The following PTPN22 variants were observed in gnomAD, a reference collection of about 807,000 sequenced individuals.
The protein encoded by PTPN22 is protein tyrosine phosphatase non-receptor type 22.
Under a neutral mutation model 103.3 loss-of-function variants are expected in PTPN22, and 85 were observed. The ratio of observed to expected loss-of-function variants is 0.82; its 90% CI spans 0.69 to 0.99. PTPN22 has a LOEUF of 0.99. Among genes scored for constraint, PTPN22 ranks in the 50% least tolerant of loss-of-function variants. The pLI is 0.00. For synonymous variants in PTPN22, 323 were observed against 310.2 expected (o/e 1.04, Z -0.43); for missense variants, 865 against 936.9 (o/e 0.92, Z 1.00).
chr1:113,857,845 C>T, intron 4 of PTPN22, 69 bp from the exon 5 acceptor site: 6 of 1,382,570 alleles, frequency 4.3e-6, no homozygotes, highest in Non-Finnish European at 6.0e-6. Context: ...ATACATGGAT[C>T]CCAGACTCAG....
At chr1:113,861,787 C>T (rs1016928656) in intron 1 of PTPN22, among the ~76,000 whole-genome samples, 1 of 151,908 alleles carries the variant, frequency 6.6e-6, no homozygotes, top group African/African-American at 2.4e-5. Flanking sequence ...ATAAACTACA[C>T]CAGAAAAGGA....
chr1:113,824,705 G>A (rs991320410), intron 19 of PTPN22, among the ~76,000 whole-genome samples: 9 of 151,992 alleles, frequency 5.9e-5, no homozygotes, highest in African/African-American at 1.9e-4. Context: ...TGGGTAGAAA[G>A]TACCAAACAT....
intron 1 of PTPN22, among the ~76,000 whole-genome samples, chr1:113,871,170 C>A (rs968811925): frequency 6.6e-6 from 1 of 152,158 alleles, no homozygotes; most frequent in African/African-American, 2.4e-5. Flanking sequence ...TAACATTGGT[C>A]TCTTTCTTCT....
At chr1:113,855,102 C>A in intron 7 of PTPN22, 53 bp from the exon 8 acceptor site, 2 of 1,490,778 alleles carry the variant, frequency 1.3e-6, no homozygotes, top group Non-Finnish European at 1.9e-6. Flanking sequence ...TGAAAAACCA[C>A]CTATTGGGTA....
intron 19 of PTPN22, among the ~76,000 whole-genome samples, chr1:113,824,157 A>G (rs947903722): frequency 6.7e-6 from 1 of 150,298 alleles, no homozygotes; most frequent in Non-Finnish European, 1.5e-5. Flanking sequence ...ACTGGAGTGC[A>G]GTGGCGCAAT....
chr1:113,815,638 G>C lies in PTPN22; in HGVS notation c.2360-669C>G, dbSNP rs776591117. 9.9e-5 allele frequency among the ~76,000 whole-genome samples: 15 copies of C among 152,238 alleles called. No homozygotes were observed. In the South Asian group the frequency reaches 2.7e-3, roughly 27 times the overall value. ...TGGTTCTTTATCATTTCAGCAACAT[G>C]TGACTTTATGACTTTTCTTTTTGAT... On this transcript the variant is annotated intron_variant, in intron 20 of 20. Coordinates refer to ENST00000359785, the Ensembl canonical transcript of PTPN22.
intron 13 of PTPN22, among the ~76,000 whole-genome samples, 180 bp from the exon 14 acceptor site, chr1:113,835,173 G>C (rs1322025408): frequency 6.6e-6 from 1 of 152,072 alleles, no homozygotes; most frequent in Non-Finnish European, 1.5e-5. Context: ...ATTCTCTTAA[G>C]GTACAAACCC....
chr1:113,850,661 G>A (rs1664499369), intron 10 of PTPN22, among the ~76,000 whole-genome samples: 1 of 152,138 alleles, frequency 6.6e-6, no homozygotes, highest in Non-Finnish European at 1.5e-5. Context: ...CAGCACACAT[G>A]AAAGTTATTT....
rs562891970 is a variant in PTPN22, at chr1:113,842,546, T to A, written c.916-3926A>T. Among the ~76,000 whole-genome samples the A allele has an allele frequency of 7.9e-5, 12 of 152,106 alleles. No homozygotes were observed. In the South Asian group the frequency reaches 1.9e-3, roughly 24 times the overall value. ...AAAATTATCTGGGCGTGGTGGCATG[T>A]GCCTGTAATCCCAGCTACTTGGGAG... is the stretch of plus-strand genomic sequence containing the variant. On this transcript the variant is annotated intron_variant, in intron 11 of 20. Coordinates refer to ENST00000359785, the Ensembl canonical transcript of PTPN22.
intron 1 of PTPN22, among the ~76,000 whole-genome samples, chr1:113,870,423 AAAAT>A (rs1666481183): frequency 6.6e-6 from 1 of 152,184 alleles, no homozygotes; most frequent in Non-Finnish European, 1.5e-5. Flanking sequence ...TAAGCATTCT[AAAAT>A]ACATGATAGG....
intron 1 of PTPN22, among the ~76,000 whole-genome samples, chr1:113,868,876 G>A (rs963427314): frequency 2.4e-4 from 37 of 151,248 alleles, no homozygotes; most frequent in African/African-American, 8.9e-4. Flanking sequence ...GTATTATATT[G>A]CACAATATTA....
At chr1:113,825,197 G>C in intron 18 of PTPN22, 25 bp from the exon 19 acceptor site, 1 of 1,409,596 alleles carries the variant, frequency 7.1e-7, no homozygotes, top group Non-Finnish European at 9.7e-7. Context: ...AAAAATGTTA[G>C]TTTTTTTTCC....
exon 1 of PTPN22, chr1:113,871,648 A>G (rs749149587): frequency 3.7e-6 from 6 of 1,608,516 alleles, no homozygotes; most frequent in Non-Finnish European, 5.1e-6. Context: ...AAAATAGTCT[A>G]TAAGTAGGTT....
chr1:113,871,697 C>T lies in PTPN22; in HGVS notation c.-74G>A. 7.2e-7 allele frequency: 1 copy of T among 1,396,382 alleles called. No homozygotes were observed. Among genetic ancestry groups the T allele is most frequent in the Non-Finnish European group, 1.0e-6 (1 of 989,110 alleles). 86.5% of individuals were successfully genotyped at this position (1,396,382 alleles called of 1,614,324 possible). On this transcript the variant is annotated 5_prime_UTR_variant, in exon 1 of 21. In the 5' UTR this introduces an upstream ATG that the reference lacks. Coordinates refer to ENST00000359785, the Ensembl canonical transcript of PTPN22. ...TCAAATGTGTGTCATGGCCGAGACA[C>T]CTCCAAAAAGCCACTGCTGCCGCCT...
Position 113,838,659 on chromosome 1 carries a change from GC to G in PTPN22, c.916-40del, listed in dbSNP as rs750143444. The G allele has an allele frequency of 4.4e-6, 7 of 1,591,968 alleles. No individual in the cohort carries two copies. The Admixed American group carries it at 9.0e-5, about 21-fold the overall frequency. ...AAGTCAGAGGCTGGTTTTCAGTGAA[GC>G]AATGTCAATAAGATATTTTAATATT... On this transcript the variant is annotated intron_variant, in intron 11 of 20. Coordinates refer to ENST00000359785, the Ensembl canonical transcript of PTPN22.
At chr1:113,856,762 T>C (rs1001402095) in intron 5 of PTPN22, 143 bp from the exon 6 acceptor site, 42 of 969,326 alleles carry the variant, frequency 4.3e-5, no homozygotes, top group African/African-American at 1.2e-4. Flanking sequence ...CCCTACATTA[T>C]TGGAATCTCC....
intron 20 of PTPN22, among the ~76,000 whole-genome samples, chr1:113,816,282 G>A (rs1373869018): frequency 3.3e-5 from 5 of 151,958 alleles, no homozygotes; most frequent in Non-Finnish European, 7.4e-5. Context: ...AGACCAGCCT[G>A]GGCAACATAG....
At chr1:113,834,144 C>A (rs1662780496) in intron 15 of PTPN22, among the ~76,000 whole-genome samples, 165 bp downstream of exon 15, 1 of 152,180 alleles carries the variant, frequency 6.6e-6, no homozygotes, top group Admixed American at 6.5e-5. Flanking sequence ...TTCTTACAGG[C>A]AAGAATTGTG....
At chr1:113,818,680 T>C (rs527831890) in intron 20 of PTPN22, among the ~76,000 whole-genome samples, 1 of 152,348 alleles carries the variant, frequency 6.6e-6, no homozygotes, top group African/African-American at 2.4e-5. Flanking sequence ...TGCCCAGCAA[T>C]ATTACATTTC....
Sources: gnomAD v4.1 joint callset for allele counts (sites outside exome capture counted in the v4.1 genomes callset) on GRCh38, gnomAD v4.1.1 for gene constraint, MANE v1.5 for transcripts, NCBI Gene and HGNC (gene_info 2026-07-23, HGNC 2026-07-21) for gene names.